The following CFAP299 variants were observed in gnomAD, a reference collection of about 807,000 sequenced individuals.
The protein encoded by CFAP299 is cilia and flagella associated protein 299, also known as cilia- and flagella-associated protein 299.
CFAP299 carries 21 observed loss-of-function variants against 27.0 expected under a neutral mutation model. The ratio of observed to expected loss-of-function variants is 0.78; its 90% CI spans 0.55 to 1.12. The LOEUF (loss-of-function observed/expected upper bound fraction) is 1.12. CFAP299 is among the 50% of genes most tolerant of loss of function. The pLI is 0.00. For missense variants in CFAP299, 310 were observed against 276.6 expected (o/e 1.12, Z -0.86); for synonymous variants, 104 against 98.1 (o/e 1.06, Z -0.36).
At chr4:80,764,618 C>T (rs879213507) in intron 3 of CFAP299, among the ~76,000 whole-genome samples, 14 of 152,172 alleles carry the variant, frequency 9.2e-5, no homozygotes, top group African/African-American at 3.4e-4. Context: ...TATTATAAAT[C>T]ATGCTACTGT....
At chr4:80,870,199 A>G (rs1733002321) in intron 4 of CFAP299, 64 bp downstream of exon 4, 2 of 1,499,904 alleles carry the variant, frequency 1.3e-6, no homozygotes, top group Non-Finnish European at 1.8e-6. Context: ...TTTATGGTCT[A>G]CATTGTGCCT....
At chr4:80,800,609 TATA>T (rs1728498455) in intron 3 of CFAP299, among the ~76,000 whole-genome samples, 1 of 98,120 alleles carries the variant, frequency 1.0e-5, no homozygotes, top group Non-Finnish European at 1.8e-5. Flanking sequence ...AATATAAATA[TATA>T]ATATATAATA....
At chr4:80,439,942 C>G (rs1391067769) in intron 2 of CFAP299, among the ~76,000 whole-genome samples, 1 of 152,146 alleles carries the variant, frequency 6.6e-6, no homozygotes, top group Non-Finnish European at 1.5e-5. Flanking sequence ...CCAGGAAGTT[C>G]GAACTGGGCG....
At chr4:80,500,505 C>CTA (rs1731688134) in intron 2 of CFAP299, among the ~76,000 whole-genome samples, 1 of 152,102 alleles carries the variant, frequency 6.6e-6, no homozygotes, top group African/African-American at 2.4e-5. Flanking sequence ...CTATACCAAA[C>CTA]TATCAAATTT....
Position 80,348,625 on chromosome 4 carries a change from T to C in CFAP299, c.111+12746T>C, listed in dbSNP as rs567151257. 3.3e-4 allele frequency among the ~76,000 whole-genome samples: 50 copies of C among 152,164 alleles called. 1 individual carries two copies. The South Asian group carries it at 8.9e-3, about 27-fold the overall frequency. ...AAGAGTTTGAGTGAGAACTTGGCCA[T>C]CTGCAATTCAAGAAGAAAGTTCTCA... is the stretch of plus-strand genomic sequence containing the variant. On this transcript the variant is annotated intron_variant, in intron 1 of 5. Coordinates refer to ENST00000358105, the MANE Select transcript of CFAP299 (RefSeq NM_152770.3).
chr4:80,689,979 A>G (rs1424519146), intron 3 of CFAP299, among the ~76,000 whole-genome samples: 3 of 150,114 alleles, frequency 2.0e-5, no homozygotes, highest in African/African-American at 5.0e-5. Flanking sequence ...GATCAATTCA[A>G]CAAGAAGAGC....
At position 80,944,934 on chromosome 4, in the gene CFAP299, CCAAAGGTAATTCTTCTTTTA is replaced by C. The variant is rs766039933; in HGVS notation, c.604_606+17del. ...AGACAGAAAAATTCTTAATGTGGAC[CCAAAGGTAATTCTTCTTTTA>C]CACTTAGTTAGTTACCTCTTCACAT... On this transcript the variant is annotated splice_donor_variant and splice_donor_5th_base_variant and coding_sequence_variant and intron_variant, in exon 5 of 6. Transcript: ENST00000358105. LOFTEE classifies it high-confidence loss of function. The C allele has an allele frequency of 6.2e-7, 1 of 1,610,744 alleles. No homozygotes were observed. Among genetic ancestry groups the C allele is most frequent in the Non-Finnish European group, 8.5e-7 (1 of 1,178,356 alleles).
chr4:80,755,749 T>C (rs1385730905), intron 3 of CFAP299, among the ~76,000 whole-genome samples: 1 of 152,148 alleles, frequency 6.6e-6, no homozygotes, highest in African/African-American at 2.4e-5. Flanking sequence ...ATCCACCTAA[T>C]TCATTTTACT....
chr4:80,495,562 G>A (rs1731392550), intron 2 of CFAP299, among the ~76,000 whole-genome samples: 1 of 152,130 alleles, frequency 6.6e-6, no homozygotes, highest in Admixed American at 6.5e-5. Context: ...ACCATGTTGG[G>A]ACACTGAGGC....
chr4:80,321,747 G>A, the CFAP299 span, among the ~76,000 whole-genome samples: 1 of 152,300 alleles, frequency 6.6e-6, no homozygotes, highest in African/African-American at 2.4e-5. Context: ...TTAAGGACAG[G>A]ATGCCATCAT....
intron 3 of CFAP299, among the ~76,000 whole-genome samples, chr4:80,695,223 C>A (rs1490462038): frequency 6.6e-6 from 1 of 152,092 alleles, no homozygotes; most frequent in Non-Finnish European, 1.5e-5. Context: ...CTAGCATGGA[C>A]TATTTTGGAT....
chr4:80,524,696 T>C (rs565364475), intron 2 of CFAP299, among the ~76,000 whole-genome samples: 24 of 152,146 alleles, frequency 1.6e-4, no homozygotes, highest in Non-Finnish European at 2.8e-4. Flanking sequence ...TGTTCCCTCA[T>C]TGAGATGCAC....
At chr4:80,806,824 A>T (rs1291846061) in intron 3 of CFAP299, among the ~76,000 whole-genome samples, 1 of 152,166 alleles carries the variant, frequency 6.6e-6, no homozygotes, top group Non-Finnish European at 1.5e-5. Context: ...TTTTTCTTAG[A>T]TGGCAAGAAA....
At chr4:80,355,501 G>A (rs1723231658) in intron 1 of CFAP299, among the ~76,000 whole-genome samples, 1 of 151,954 alleles carries the variant, frequency 6.6e-6, no homozygotes, top group Non-Finnish European at 1.5e-5. Flanking sequence ...GGGATTACAG[G>A]CGCATGCCAC....
chr4:80,956,833 CTA>C (rs1176778066), intron 5 of CFAP299, among the ~76,000 whole-genome samples: 1 of 151,944 alleles, frequency 6.6e-6, no homozygotes, highest in African/African-American at 2.4e-5. Flanking sequence ...TTAAAGTATT[CTA>C]TGTGTAGAGG....
chr4:80,676,464 G>T (rs1719461372), intron 3 of CFAP299, among the ~76,000 whole-genome samples: 1 of 152,084 alleles, frequency 6.6e-6, no homozygotes, highest in South Asian at 2.1e-4. Context: ...GATAATGCTG[G>T]CCTGGTAGAA....
At chr4:80,860,751 C>T (rs1012894474) in intron 3 of CFAP299, among the ~76,000 whole-genome samples, 2 of 152,180 alleles carry the variant, frequency 1.3e-5, no homozygotes, top group Non-Finnish European at 2.9e-5. Flanking sequence ...ATGTTGCTCT[C>T]TGATCGTTCC....
At chr4:80,711,276 A>G (rs1317789317) in intron 3 of CFAP299, among the ~76,000 whole-genome samples, 1 of 152,194 alleles carries the variant, frequency 6.6e-6, no homozygotes, top group African/African-American at 2.4e-5. Context: ...AGCCAAGACA[A>G]GGTGAACAGT....
Position 80,504,480 on chromosome 4 carries a change from T to C in CFAP299, c.243-78613T>C, listed in dbSNP as rs1731905245. Among the ~76,000 whole-genome samples the C allele has an allele frequency of 7.4e-5, 9 of 121,310 alleles. No homozygotes were observed. The Admixed American group carries it at 7.5e-4, about 10-fold the overall frequency. The allele number at this position is 121,310 out of a possible 152,430, so 79.6% of individuals were successfully genotyped here. A position where few individuals can be genotyped will look rare whatever the true frequency, so the allele number is the denominator to read the frequency against. On this transcript the variant is annotated intron_variant, in intron 2 of 5. Transcript: ENST00000358105. ...AATCTCACATATATATATATATATA[T>C]ATATATATATATATATATATATATA...
Sources: gnomAD v4.1 joint callset for allele counts (sites outside exome capture counted in the v4.1 genomes callset) on GRCh38, gnomAD v4.1.1 for gene constraint, MANE v1.5 for transcripts, NCBI Gene and HGNC (gene_info 2026-07-23, HGNC 2026-07-21) for gene names.